Variants in RABGAP1L observed in about 807,000 individuals in gnomAD.
RABGAP1L encodes the protein rab GTPase-activating protein 1-like.
RABGAP1L carries 63 observed loss-of-function variants against 137.7 expected under a neutral mutation model. That is an observed-to-expected ratio of 0.46 (90% CI 0.37 to 0.56). The LOEUF (loss-of-function observed/expected upper bound fraction) is 0.56. RABGAP1L is among the 20% of genes least tolerant of loss of function. The pLI, the probability that RABGAP1L is intolerant of heterozygous loss-of-function variation, is 0.00. For synonymous variants in RABGAP1L, 431 were observed against 433.7 expected (o/e 0.99, Z 0.08); for missense variants, 1,095 against 1,244.0 (o/e 0.88, Z 1.80).
At chr1:174,892,618 G>T (rs1242452384) in intron 19 of RABGAP1L, 9 of 533,404 alleles carry the variant, frequency 1.7e-5, no homozygotes, top group Non-Finnish European at 3.0e-5. Context: ...TTCTTGGCCT[G>T]TACATTTTCT....
At chr1:174,957,954 GAGAA>G (rs1198118754) in intron 20 of RABGAP1L, 4 of 1,572,728 alleles carry the variant, frequency 2.5e-6, no homozygotes, top group African/African-American at 2.8e-5. Context: ...AAGAAGCTGA[GAGAA>G]AGAGAGGGGA....
At chr1:174,339,976 G>C (rs1469144986) in intron 11 of RABGAP1L, among the ~76,000 whole-genome samples, 1 of 151,944 alleles carries the variant, frequency 6.6e-6, no homozygotes, top group Non-Finnish European at 1.5e-5. Context: ...ATGACTTTTT[G>C]TATTGTATGC....
chr1:174,413,920 T>G (rs1650236605), intron 13 of RABGAP1L, among the ~76,000 whole-genome samples: 1 of 142,304 alleles, frequency 7.0e-6, no homozygotes, highest in South Asian at 2.2e-4. Flanking sequence ...GCTCCCTGCT[T>G]AACTACCATA....
intron 10 of RABGAP1L, among the ~76,000 whole-genome samples, chr1:174,295,816 G>T (rs745376555): frequency 1.4e-4 from 21 of 152,070 alleles, no homozygotes; most frequent in Non-Finnish European, 2.8e-4. Flanking sequence ...ACCACAAGTG[G>T]CCTGATAATG....
At chr1:174,512,196 A>G (rs1221145272) in intron 13 of RABGAP1L, among the ~76,000 whole-genome samples, 1 of 152,182 alleles carries the variant, frequency 6.6e-6, no homozygotes, top group African/African-American at 2.4e-5. Context: ...TATGCACAAC[A>G]CAAGGGTACT....
chr1:174,498,281 T>C (rs933041759), intron 13 of RABGAP1L, among the ~76,000 whole-genome samples: 30 of 152,288 alleles, frequency 2.0e-4, no homozygotes, highest in African/African-American at 6.7e-4. Context: ...CTTCCATAAA[T>C]ATTAACCATA....
intron 14 of RABGAP1L, among the ~76,000 whole-genome samples, chr1:174,660,319 G>A (rs1676279677): frequency 6.6e-6 from 1 of 152,086 alleles, no homozygotes; most frequent in Non-Finnish European, 1.5e-5. Flanking sequence ...AGACTGTGAG[G>A]GCTCCTGTTC....
rs148655974 is a variant in RABGAP1L, at chr1:174,363,712, G to T, written c.1466-7267G>T. ...CATATTTGGCTTTTGTTATATTGAG[G>T]TATATTTCTTCTATCCCCATTTTTT... On this transcript the variant is annotated intron_variant, in intron 11 of 25. Transcript: ENST00000681986. 2.8e-3 allele frequency among the ~76,000 whole-genome samples: 429 copies of T among 152,020 alleles called. 2 individuals carry two copies. The highest frequency in any genetic ancestry group is 8.6e-3 in the African/African-American group (357 of 41,498).
intron 3 of RABGAP1L, among the ~76,000 whole-genome samples, chr1:174,227,395 G>C (rs1027839223): frequency 1.3e-5 from 2 of 151,066 alleles, no homozygotes; most frequent in Admixed American, 6.6e-5. Context: ...TAGAGATGGG[G>C]TTTCACCCTG....
chr1:174,832,068 G>A (rs200408891), intron 19 of RABGAP1L, among the ~76,000 whole-genome samples: 3 of 147,800 alleles, frequency 2.0e-5, no homozygotes, highest in East Asian at 2.1e-4. Flanking sequence ...CAAGGCAGAC[G>A]GATCACCTGA....
intron 4 of RABGAP1L, among the ~76,000 whole-genome samples, chr1:174,232,901 G>A (rs151157341): frequency 2.6e-5 from 4 of 151,814 alleles, no homozygotes; most frequent in African/African-American, 4.8e-5. Context: ...TCCCCTCTTC[G>A]TCCTTCCTTC....
intron 17 of RABGAP1L, among the ~76,000 whole-genome samples, chr1:174,723,268 T>C (rs1402216225): frequency 6.6e-6 from 1 of 152,054 alleles, no homozygotes; most frequent in Non-Finnish European, 1.5e-5. Context: ...AGAAACAGGG[T>C]TTCACCATGT....
At chr1:174,946,340 C>A (rs1216038743) in intron 19 of RABGAP1L, among the ~76,000 whole-genome samples, 1 of 152,082 alleles carries the variant, frequency 6.6e-6, no homozygotes, top group Non-Finnish European at 1.5e-5. Context: ...ACTTTGGTGT[C>A]AAAAAGACCT....
intron 13 of RABGAP1L, among the ~76,000 whole-genome samples, chr1:174,618,745 C>T (rs1034915223): frequency 6.6e-6 from 1 of 152,174 alleles, no homozygotes; most frequent in Admixed American, 6.5e-5. Context: ...CTCTCCTCCT[C>T]CAAAAACGCA....
chr1:174,463,780 CCAGT>C (rs981938710), intron 13 of RABGAP1L, among the ~76,000 whole-genome samples: 1 of 151,530 alleles, frequency 6.6e-6, no homozygotes, highest in Non-Finnish European at 1.5e-5. Context: ...CCATCTCACA[CCAGT>C]CAGAGTGGCT....
At chr1:174,293,701 A>G (rs1166898145) in intron 10 of RABGAP1L, among the ~76,000 whole-genome samples, 2 of 152,132 alleles carry the variant, frequency 1.3e-5, no homozygotes, top group Non-Finnish European at 2.9e-5. Context: ...ATCACTTACA[A>G]TTTCACTGAG....
chr1:174,205,922 G>T (rs990522208), intron 1 of RABGAP1L, among the ~76,000 whole-genome samples: 2 of 152,164 alleles, frequency 1.3e-5, no homozygotes, highest in African/African-American at 4.8e-5. Flanking sequence ...AAAAATGGAA[G>T]ATTTATTAAG....
At position 174,843,327 on chromosome 1, in the gene RABGAP1L, C is replaced by T. The variant is rs959843649; in HGVS notation, c.2340+31367C>T. Among the ~76,000 whole-genome samples, 4 of 150,390 alleles carry T rather than the reference C, an allele frequency of 2.7e-5. No homozygotes were observed. In the East Asian group the frequency reaches 5.9e-4, roughly 22 times the overall value. Reference sequence around the variant, plus strand: ...GTGCCATGCTGGTGTGCTGCACCCACTAACTCGTCATCTAGCATTAGGTAT... The same window carrying T: ...GTGCCATGCTGGTGTGCTGCACCCATTAACTCGTCATCTAGCATTAGGTAT... On this transcript the variant is annotated intron_variant, in intron 19 of 25. Coordinates refer to ENST00000681986, the MANE Select transcript of RABGAP1L (RefSeq NM_001366446.1).
chr1:174,326,366 T>C (rs906619165), intron 11 of RABGAP1L, among the ~76,000 whole-genome samples: 11 of 151,968 alleles, frequency 7.2e-5, no homozygotes, highest in African/African-American at 2.4e-4. Flanking sequence ...GGGAATCATA[T>C]AAAAAATCAA....
Sources: allele counts gnomAD v4.1 joint callset (sites outside exome capture counted in the v4.1 genomes callset), GRCh38; gene constraint gnomAD v4.1.1; transcripts MANE v1.5; gene names NCBI Gene and HGNC (gene_info 2026-07-23, HGNC 2026-07-21).